Variants in ADAMTS20 observed in about 807,000 individuals in gnomAD.
ADAMTS20 encodes A disintegrin and metalloproteinase with thrombospondin motifs 20.
ADAMTS20 carries 225 observed loss-of-function variants against 260.1 expected under a neutral mutation model. That is an observed-to-expected ratio of 0.87 (90% CI 0.78 to 0.97). The LOEUF is 0.97. Among genes scored for constraint, ADAMTS20 ranks in the 50% least tolerant of loss-of-function variants. The probability of loss-of-function intolerance (pLI) is 0.00; values close to 1 mark genes in which losing one functional copy is unlikely to be tolerated. For synonymous variants in ADAMTS20, 802 were observed against 769.5 expected (o/e 1.04, Z -0.70); for missense variants, 2,400 against 2,337.7 (o/e 1.03, Z -0.55).
At chr12:43,390,909 T>C (rs1592043992) in intron 29 of ADAMTS20, among the ~76,000 whole-genome samples, 1 of 152,344 alleles carries the variant, frequency 6.6e-6, no homozygotes, top group South Asian at 2.1e-4. Context: ...CATTACCCAG[T>C]TCCAAAACCA....
intron 37 of ADAMTS20, among the ~76,000 whole-genome samples, chr12:43,361,044 C>T (rs934830865): frequency 1.3e-5 from 2 of 152,188 alleles, no homozygotes; most frequent in East Asian, 1.9e-4. Context: ...ACTTTACTTT[C>T]GACATATGCA....
At chr12:43,522,746 A>T (rs1943089500) in intron 3 of ADAMTS20, among the ~76,000 whole-genome samples, 1 of 152,038 alleles carries the variant, frequency 6.6e-6, no homozygotes, top group Non-Finnish European at 1.5e-5. Flanking sequence ...GTGTTTGTTC[A>T]TCTCATGGGT....
intron 37 of ADAMTS20, among the ~76,000 whole-genome samples, chr12:43,358,705 C>T (rs535621610): frequency 1.1e-4 from 16 of 150,902 alleles, no homozygotes; most frequent in South Asian, 8.4e-4. Flanking sequence ...GGCATGGTGG[C>T]GCGCGCCTGT....
intron 2 of ADAMTS20, among the ~76,000 whole-genome samples, chr12:43,536,453 T>C (rs990961097): frequency 6.6e-6 from 1 of 152,038 alleles, no homozygotes; most frequent in Non-Finnish European, 1.5e-5. Context: ...TATACTCCTA[T>C]GGAAAAAGGC....
In ADAMTS20 at chr12:43,432,423, A is replaced by T. The variant is rs1233174792; in HGVS notation, c.2977T>A (p.Cys993Ser). Residue 993 changes from cysteine (C) to serine (S), a missense_variant, in exon 21 of 39, where the codon TGT becomes AGT. Transcript: ENST00000389420. ...GGGERSRESY[C>S]MNNFGHRLAD... is the part of the protein sequence containing the mutation. ...AGACGATGGCCAAAGTTATTCATAC[A>T]ATAAGATTCTCGAGACCTTTCCCCT... is the stretch of plus-strand genomic sequence containing the variant. 1 of 1,613,906 alleles carries T rather than the reference A, an allele frequency of 6.2e-7. No individual in the cohort carries two copies. The highest frequency in any genetic ancestry group is 1.7e-5 in the Admixed American group (1 of 59,998).
Position 43,464,607 on chromosome 12 carries a change from T to C in ADAMTS20, c.1493A>G (p.Gln498Arg). The change falls in exon 10 of 39, where the codon CAA becomes CGA. Residue 498 changes from glutamine (Q) to arginine (R), a missense_variant. Coordinates refer to ENST00000389420, the MANE Select transcript of ADAMTS20 (RefSeq NM_025003.5). Reference sequence around the variant, plus strand: ...TTTTCTTACTATATGGGGACACATTTGTGACCCAGGACCAAACGCAAGCTC... The same window carrying C: ...TTTTCTTACTATATGGGGACACATTCGTGACCCAGGACCAAACGCAAGCTC... ...QCELAFGPGS[Q>R]MCPHINICMH... 6.2e-7 allele frequency: 1 copy of C among 1,612,888 alleles called. No individual in the cohort carries two copies. The highest frequency in any genetic ancestry group is 8.5e-7 in the Non-Finnish European group (1 of 1,179,336).
chr12:43,459,417 G>T (rs1247653372), intron 11 of ADAMTS20, among the ~76,000 whole-genome samples: 1 of 152,272 alleles, frequency 6.6e-6, no homozygotes, highest in African/African-American at 2.4e-5. Flanking sequence ...AACACTCACA[G>T]CATGGCCCAA....
In ADAMTS20 at chr12:43,399,126, T is replaced by C; in HGVS notation, c.4392A>G (p.Pro1464=). The change falls in exon 29 of 39, where the codon CCA becomes CCG. Residue 1464 remains proline, a synonymous_variant. Transcript: ENST00000389420. ...DTNCSQVQKP[P]THKACRSVRC... The stretch of plus-strand genomic sequence containing the variant: ...TGACAGATCTACAGGCTTTGTGAGT[T>C]GGAGGTTTCTGTACTTGACTGCAAT... The C allele has an allele frequency of 1.3e-6, 2 of 1,553,244 alleles. No homozygotes were observed. Among genetic ancestry groups the C allele is most frequent in the Non-Finnish European group, 1.7e-6 (2 of 1,147,288 alleles).
At chr12:43,376,795 T>TCCA in intron 32 of ADAMTS20, 142 bp from the exon 33 acceptor site, 2 of 936,680 alleles carry the variant, frequency 2.1e-6, no homozygotes, top group Non-Finnish European at 3.0e-6. Flanking sequence ...CACAAAACTA[T>TCCA]GCTGGGGGCT....
intron 29 of ADAMTS20, among the ~76,000 whole-genome samples, chr12:43,397,783 A>T (rs77981935): frequency 0.012 from 1,859 of 152,338 alleles, 15 homozygotes; most frequent in Middle Eastern, 0.027. Flanking sequence ...ACAGAGATGC[A>T]TTAGCATCTA....
At chr12:43,507,635 G>A (rs1406510916) in intron 3 of ADAMTS20, among the ~76,000 whole-genome samples, 1 of 152,178 alleles carries the variant, frequency 6.6e-6, no homozygotes, top group Non-Finnish European at 1.5e-5. Flanking sequence ...ATTCAATTAA[G>A]AAAGCACTAT....
chr12:43,548,117 T>C (rs1943465158), intron 2 of ADAMTS20, among the ~76,000 whole-genome samples: 1 of 152,174 alleles, frequency 6.6e-6, no homozygotes, highest in South Asian at 2.1e-4. Context: ...GGATGCTCAT[T>C]TCAATATACT....
chr12:43,397,916 C>G, intron 29 of ADAMTS20, among the ~76,000 whole-genome samples: 1 of 152,160 alleles, frequency 6.6e-6, no homozygotes, highest in East Asian at 1.9e-4. Context: ...ATCAGTGAGG[C>G]ACTGACATAA....
intron 29 of ADAMTS20, among the ~76,000 whole-genome samples, chr12:43,388,904 C>T (rs1940540234): frequency 6.6e-6 from 1 of 152,194 alleles, no homozygotes; most frequent in Non-Finnish European, 1.5e-5. Flanking sequence ...AGGGCACCCT[C>T]TCACTGTGTT....
At chr12:43,519,435 G>A (rs1476728376) in intron 3 of ADAMTS20, among the ~76,000 whole-genome samples, 1 of 152,000 alleles carries the variant, frequency 6.6e-6, no homozygotes, top group Non-Finnish European at 1.5e-5. Context: ...AAGGTATTCA[G>A]TAAATATTTT....
At chr12:43,421,097 C>T (rs540493877) in intron 28 of ADAMTS20, among the ~76,000 whole-genome samples, 8 of 151,832 alleles carry the variant, frequency 5.3e-5, no homozygotes, top group African/African-American at 1.2e-4. Flanking sequence ...GCATGAGCCA[C>T]TATGCCCGGC....
At position 43,551,039 on chromosome 12, in the gene ADAMTS20, T is replaced by G. The variant is rs774877107; in HGVS notation, c.323A>C (p.His108Pro). The G allele has an allele frequency of 6.2e-7, 1 of 1,613,516 alleles. No individual in the cohort carries two copies. The highest frequency in any genetic ancestry group is 1.1e-5 in the South Asian group (1 of 91,008). The change falls in exon 2 of 39, where the codon CAC becomes CCC. Residue 108 changes from histidine to proline, a missense_variant. Coordinates refer to ENST00000389420, the MANE Select transcript of ADAMTS20 (RefSeq NM_025003.5). This position sits in a 1 kb window ranked among gnomAD's most constrained non-coding sequence, Gnocchi z 4.6. ...GGCCCCGCGCTCCGGGGTTCCCAAG[T>G]GCACCTCGGTGTAGCCGGCGGCCAG... ...SFLAAGYTEV[H>P]LGTPERGAWE...
At chr12:43,352,793 T>C (rs1939664582), downstream of ADAMTS20, among the ~76,000 whole-genome samples, 1 of 152,186 alleles carries the variant, frequency 6.6e-6, no homozygotes, top group African/African-American at 2.4e-5. Context: ...TTTATTTAAA[T>C]GTTTATCAAT....
chr12:43,493,787 C>T (rs1424409008), intron 4 of ADAMTS20, among the ~76,000 whole-genome samples: 1 of 152,170 alleles, frequency 6.6e-6, no homozygotes, highest in Non-Finnish European at 1.5e-5. Flanking sequence ...GCCACAGTTG[C>T]ATATTTCCAA....
Sources: gnomAD v4.1 joint callset for allele counts (sites outside exome capture counted in the v4.1 genomes callset) on GRCh38, gnomAD v4.1.1 for gene constraint, Gnocchi (gnomAD v3.1) non-coding constraint, MANE v1.5 for transcripts, NCBI Gene and HGNC (gene_info 2026-07-23, HGNC 2026-07-21) for gene names.